CATSPER2: variants seen among roughly 807,000 people sequenced by gnomAD.
CATSPER2 encodes cation channel sperm-associated protein 2.
A neutral mutation model predicts 68.8 loss-of-function variants in CATSPER2; 56 were observed. That is an observed-to-expected ratio of 0.81 (90% CI 0.66 to 1.02). CATSPER2 has a LOEUF of 1.02. CATSPER2 is among the 50% of genes least tolerant of loss of function. The pLI, the probability that CATSPER2 is intolerant of heterozygous loss-of-function variation, is 0.00. For missense variants in CATSPER2, 582 were observed against 642.0 expected (o/e 0.91, Z 1.01); for synonymous variants, 198 against 229.9 (o/e 0.86, Z 1.26).
rs1298569982 is a variant in CATSPER2, at chr15:43,648,820, A to C, written c.-194T>G. On this transcript the variant is annotated 5_prime_UTR_variant, in exon 1 of 13. Coordinates refer to ENST00000396879, the MANE Select transcript of CATSPER2 (RefSeq NM_172095.4). ...CGGGACCCGGCCCTAGCCCCTACCC[A>C]CAGCCCAGGACCATGCGGAGCAACG... The C allele has an allele frequency of 1.3e-5, 20 of 1,525,708 alleles. No homozygotes were observed. The highest frequency in any genetic ancestry group is 5.0e-5 in the East Asian group (2 of 39,786). 94.5% of individuals were successfully genotyped at this position (1,525,708 alleles called of 1,614,324 possible).
Position 43,647,047 on chromosome 15 carries a change from C to G in CATSPER2, c.388+3G>C, listed in dbSNP as rs779977237. On this transcript the variant is annotated splice_donor_region_variant and intron_variant, in intron 4 of 12. Coordinates refer to ENST00000396879, the MANE Select transcript of CATSPER2 (RefSeq NM_172095.4). ...TCCTCTTTCATACAAGGTCAGTTCT[C>G]ACCTATTTCAACCATCAATATGATC... 2.5e-6 allele frequency: 4 copies of G among 1,610,208 alleles called. 1 individual carries two copies. Among genetic ancestry groups the G allele is most frequent in the Non-Finnish European group, 3.4e-6 (4 of 1,176,726 alleles).
chr15:43,638,010 A>G (rs2085995020), intron 7 of CATSPER2, among the ~76,000 whole-genome samples: 1 of 149,810 alleles, frequency 6.7e-6, no homozygotes, highest in African/African-American at 2.5e-5. Context: ...GCTGGAGTGC[A>G]GTGGCTCAAT....
intron 4 of CATSPER2, among the ~76,000 whole-genome samples, chr15:43,641,155 T>C (rs933557887): frequency 3.3e-5 from 5 of 151,562 alleles, no homozygotes; most frequent in African/African-American, 1.2e-4. Context: ...TCGCTCTTGT[T>C]GCCCAGGCTG....
In CATSPER2 at chr15:43,640,466, CAT is replaced by C. The variant is rs2086053205; in HGVS notation, c.417_418del (p.Trp140AlafsTer24). On this transcript the variant is annotated frameshift_variant, in exon 5 of 13. Transcript: ENST00000396879. LOFTEE classifies it high-confidence loss of function. Reference sequence around the variant, plus strand: ...CACCTCCAAGGTCAGCTTCAATGGCCATAGTTTGGTATTTGTGGATTCCAGCA... The same window carrying C: ...CACCTCCAAGGTCAGCTTCAATGGCCAGTTTGGTATTTGTGGATTCCAGCA... 1 of 1,613,206 alleles carries C rather than the reference CAT, an allele frequency of 6.2e-7. No individual in the cohort carries two copies. The highest frequency in any genetic ancestry group is 1.3e-5 in the African/African-American group (1 of 74,758).
intron 6 of CATSPER2, 137 bp downstream of exon 6, chr15:43,639,506 C>A: frequency 6.9e-7 from 1 of 1,458,532 alleles, no homozygotes; most frequent in Non-Finnish European, 9.5e-7. Flanking sequence ...ACCTCATGAC[C>A]CATCCCCCTC....
intron 7 of CATSPER2, among the ~76,000 whole-genome samples, chr15:43,636,750 G>A (rs2085971893): frequency 6.6e-6 from 1 of 151,376 alleles, no homozygotes. Flanking sequence ...TTAGTTCTTG[G>A]GTATAATAAA....
At chr15:43,634,707 T>G (rs190960551) in intron 10 of CATSPER2, 1 of 153,356 alleles carries the variant, frequency 6.5e-6, no homozygotes, top group Non-Finnish European at 1.5e-5. Flanking sequence ...AGTGAATGAG[T>G]TTACTTCCGC....
intron 10 of CATSPER2, chr15:43,633,917 C>T (rs1595971833): frequency 2.6e-5 from 4 of 151,834 alleles, no homozygotes; most frequent in African/African-American, 9.7e-5. Context: ...ATATATCGTG[C>T]CACTGCACTC....
At chr15:43,644,674 C>T (rs1408476156) in intron 4 of CATSPER2, among the ~76,000 whole-genome samples, 9 of 151,886 alleles carry the variant, frequency 5.9e-5, no homozygotes, top group African/African-American at 1.9e-4. Context: ...ACTGCATGTG[C>T]GTGACCCTTA....
intron 6 of CATSPER2, among the ~76,000 whole-genome samples, chr15:43,639,268 G>C (rs1381233744): frequency 6.7e-6 from 1 of 149,938 alleles, no homozygotes; most frequent in South Asian, 2.1e-4. Flanking sequence ...TTTTTTAGAC[G>C]GAGTTTCACT....
chr15:43,633,008 C>A, intron 10 of CATSPER2, 74 bp from the exon 11 acceptor site: 1 of 1,253,900 alleles, frequency 8.0e-7, no homozygotes, highest in Non-Finnish European at 1.1e-6. Context: ...TGGTTCTGCC[C>A]CTGGCCACCC....
chr15:43,636,521 G>A (rs2085967678), intron 7 of CATSPER2, among the ~76,000 whole-genome samples: 1 of 151,802 alleles, frequency 6.6e-6, no homozygotes, highest in Admixed American at 6.6e-5. Context: ...CTCCCGAGTA[G>A]CTGGGATTAT....
chr15:43,648,862 C>T (rs1219785168), upstream of CATSPER2: 15 of 1,518,732 alleles, frequency 9.9e-6, no homozygotes, highest in African/African-American at 1.4e-4. Context: ...CAGCCACTCG[C>T]CGCCTAGGCC....
Position 43,636,037 on chromosome 15 carries a change from T to C in CATSPER2, c.1021+4A>G. On this transcript the variant is annotated splice_donor_region_variant and intron_variant, in intron 8 of 12. Transcript: ENST00000396879. ...CAAACAAGTTTCACCTCCTCTATGC[T>C]TACCCATCATGGCTACTATGATACT... 1 of 1,541,916 alleles carries C rather than the reference T, an allele frequency of 6.5e-7. No individual in the cohort carries two copies. The highest frequency in any genetic ancestry group is 8.9e-7 in the Non-Finnish European group (1 of 1,119,164).
At chr15:43,646,442 G>A (rs1383386031) in intron 4 of CATSPER2, among the ~76,000 whole-genome samples, 2 of 151,234 alleles carry the variant, frequency 1.3e-5, no homozygotes, top group African/African-American at 4.9e-5. Flanking sequence ...TCTATTTTTA[G>A]TACAGATGGG....
chr15:43,635,484 A>G, intron 9 of CATSPER2, 68 bp from the exon 10 acceptor site: 1 of 1,530,448 alleles, frequency 6.5e-7, no homozygotes. Flanking sequence ...AGAAAAAAAA[A>G]GTTCATATCA....
intron 7 of CATSPER2, among the ~76,000 whole-genome samples, chr15:43,636,858 C>T (rs1013278486): frequency 2.0e-5 from 3 of 149,714 alleles, no homozygotes; most frequent in Admixed American, 1.3e-4. Flanking sequence ...GACAGAGTCT[C>T]ACTCTATCAT....
At chr15:43,644,315 C>T (rs973576238) in intron 4 of CATSPER2, among the ~76,000 whole-genome samples, 2 of 152,002 alleles carry the variant, frequency 1.3e-5, no homozygotes, top group Non-Finnish European at 2.9e-5. Context: ...TCCCTCCTCC[C>T]TTTCTACCAC....
At chr15:43,645,095 G>C (rs1172258494) in intron 4 of CATSPER2, among the ~76,000 whole-genome samples, 1 of 151,862 alleles carries the variant, frequency 6.6e-6, no homozygotes, top group Non-Finnish European at 1.5e-5. Context: ...GTCTCACTTT[G>C]TCACCTAGGC....
Sources: gnomAD v4.1 joint callset for allele counts (sites outside exome capture counted in the v4.1 genomes callset) on GRCh38, gnomAD v4.1.1 for gene constraint, MANE v1.5 for transcripts, NCBI Gene and HGNC (gene_info 2026-07-23, HGNC 2026-07-21) for gene names.